NAA38: variants seen among roughly 807,000 people sequenced by gnomAD.
NAA38 encodes the protein N-alpha-acetyltransferase 38, NatC auxiliary subunit, also known as LSM domain containing 1.
A neutral mutation model predicts 12.6 loss-of-function variants in NAA38; 15 were observed. The ratio of observed to expected loss-of-function variants is 1.19; its 90% CI spans 0.79 to 1.83. The LOEUF (loss-of-function observed/expected upper bound fraction) is 1.83, where lower values mean the gene tolerates loss of function less well. NAA38 is among the 40% of genes most tolerant of loss of function. The probability of loss-of-function intolerance (pLI) is 0.00; values close to 1 mark genes in which losing one functional copy is unlikely to be tolerated. For missense variants in NAA38, 183 were observed against 171.7 expected (o/e 1.07, Z -0.37); for synonymous variants, 88 against 69.9 (o/e 1.26, Z -1.29).
intron 2 of NAA38, among the ~76,000 whole-genome samples, chr17:7,876,434 C>T (rs757173036): frequency 1.7e-4 from 26 of 152,076 alleles, no homozygotes; most frequent in Non-Finnish European, 3.1e-4. Flanking sequence ...GTACTAACTC[C>T]TACTATAACC....
At chr17:7,859,274 T>C (rs1357249576), upstream of NAA38, 1 of 839,920 alleles carries the variant, frequency 1.2e-6, no homozygotes, top group African/African-American at 1.7e-5. Context: ...CCCGGGGCCG[T>C]AGAGTACCTG....
intron 2 of NAA38, among the ~76,000 whole-genome samples, chr17:7,881,768 C>T (rs563792279): frequency 2.0e-5 from 3 of 150,156 alleles, no homozygotes; most frequent in Non-Finnish European, 3.0e-5. Context: ...GATGGGGAGC[C>T]GTGGCAGGGC....
intron 1 of NAA38, chr17:7,883,385 CTT>C (rs1381574510): frequency 6.6e-6 from 1 of 152,158 alleles, no homozygotes; most frequent in East Asian, 1.9e-4. Context: ...AGATTTGACT[CTT>C]TCCTCTTTAT....
intron 2 of NAA38, chr17:7,877,215 G>A: frequency 4.9e-6 from 1 of 204,904 alleles, no homozygotes; most frequent in Non-Finnish European, 1.0e-5. Flanking sequence ...TATCAATGAA[G>A]CAAACAATCC....
chr17:7,881,278 A>G (rs1034395631), intron 2 of NAA38, among the ~76,000 whole-genome samples: 5 of 152,112 alleles, frequency 3.3e-5, no homozygotes, highest in African/African-American at 7.2e-5. Flanking sequence ...TAACTGGAAA[A>G]AGAAACAAAA....
upstream of NAA38, chr17:7,858,324 A>AGTGT (rs751775558): frequency 6.2e-7 from 1 of 1,610,098 alleles, no homozygotes; most frequent in African/African-American, 1.3e-5. Context: ...CCGGGGCCGG[A>AGTGT]GTGTGTGTGT....
Position 7,857,544 on chromosome 17 carries a change from C to T in NAA38, c.-81G>A. ...TGGTCCGAGATCTCGCGAGCGCTCC[C>T]GACCTCTTTCCTTTCGCGAGATCCC... On this transcript the variant is annotated 5_prime_UTR_variant, in exon 1 of 3. Coordinates refer to ENST00000575771, the MANE Select transcript of NAA38 (RefSeq NM_001320925.4). The T allele has an allele frequency of 6.9e-7, 1 of 1,448,038 alleles. No homozygotes were observed. The highest frequency in any genetic ancestry group is 1.4e-5 in the African/African-American group (1 of 70,322). 89.7% of individuals were successfully genotyped at this position (1,448,038 alleles called of 1,614,324 possible). A position where few individuals can be genotyped will look rare whatever the true frequency, so the allele number is the denominator to read the frequency against.
intron 2 of NAA38, among the ~76,000 whole-genome samples, chr17:7,873,572 G>T (rs1220903037): frequency 6.6e-6 from 1 of 152,168 alleles, no homozygotes; most frequent in East Asian, 1.9e-4. Flanking sequence ...GGAGATTTGA[G>T]CACATTTTAA....
intron 2 of NAA38, among the ~76,000 whole-genome samples, chr17:7,879,674 C>T (rs1395523545): frequency 1.3e-5 from 2 of 152,006 alleles, no homozygotes; most frequent in African/African-American, 2.4e-5. Flanking sequence ...ACCCATTAAT[C>T]ATAAGGAATT....
upstream of NAA38, chr17:7,859,433 A>G: frequency 6.2e-7 from 1 of 1,614,106 alleles, no homozygotes; most frequent in Non-Finnish European, 8.5e-7. Flanking sequence ...TCTCCCCTAT[A>G]ACTCACATGC....
intron 3 of NAA38, chr17:7,865,345 C>G (rs1035346041): frequency 6.6e-6 from 1 of 152,144 alleles, no homozygotes; most frequent in East Asian, 1.9e-4. Context: ...ACTAACATAC[C>G]GCCTCCCTGC....
intron 2 of NAA38, among the ~76,000 whole-genome samples, chr17:7,877,431 A>G (rs966542509): frequency 1.3e-5 from 2 of 150,852 alleles, no homozygotes; most frequent in African/African-American, 4.9e-5. Context: ...CCATGTCTCT[A>G]CATACAGAAG....
chr17:7,868,860 C>T (rs1185726781), intron 2 of NAA38, among the ~76,000 whole-genome samples: 1 of 152,188 alleles, frequency 6.6e-6, no homozygotes, highest in Non-Finnish European at 1.5e-5. Context: ...GTGTTTATTC[C>T]TCCATTAGGA....
intron 3 of NAA38, chr17:7,866,090 T>A (rs1966967714): frequency 6.8e-6 from 1 of 147,736 alleles, no homozygotes; most frequent in Admixed American, 6.8e-5. Flanking sequence ...GAACTTTTTT[T>A]TTTTTTTTTT....
At chr17:7,864,182 CAGAATT>C (rs1216930474) in intron 3 of NAA38, 2 of 152,144 alleles carry the variant, frequency 1.3e-5, no homozygotes, top group African/African-American at 2.4e-5. Context: ...AGAATGCACA[CAGAATT>C]AGAAACCTGA....
upstream of NAA38, chr17:7,858,402 G>A (rs2078851821): frequency 1.2e-6 from 2 of 1,614,010 alleles, no homozygotes; most frequent in South Asian, 2.2e-5. Context: ...CTCTTTTCAA[G>A]GGAACCTGCT....
chr17:7,861,956 T>C (rs1357391404), upstream of NAA38: 1 of 152,372 alleles, frequency 6.6e-6, no homozygotes, highest in East Asian at 1.9e-4. Context: ...TTCAGTTCAT[T>C]ACATGTCTTG....
chr17:7,885,216 G>A (rs1421803416), upstream of NAA38: 47 of 868,328 alleles, frequency 5.4e-5, no homozygotes, highest in Non-Finnish European at 6.5e-5. Context: ...GCTCGGGCCC[G>A]TGGCCCCGCG....
intron 3 of NAA38, among the ~76,000 whole-genome samples, chr17:7,866,252 AATTT>A (rs1966974626): frequency 9.4e-6 from 1 of 106,756 alleles, no homozygotes; most frequent in Non-Finnish European, 1.7e-5. Context: ...AAGCCCGGCT[AATTT>A]TTTTTTTTTT....
Sources: gnomAD v4.1 joint callset for allele counts (sites outside exome capture counted in the v4.1 genomes callset) on GRCh38, gnomAD v4.1.1 for gene constraint, MANE v1.5 for transcripts, NCBI Gene and HGNC (gene_info 2026-07-23, HGNC 2026-07-21) for gene names.